NALF1: variants seen among roughly 807,000 people sequenced by gnomAD.
NALF1 encodes the protein NALCN channel auxiliary factor 1.
NALF1 carries 3 observed loss-of-function variants against 48.4 expected under a neutral mutation model. The observed-to-expected ratio is 0.06, with a 90% confidence interval of 0.03 to 0.16. The LOEUF is 0.16. NALF1 is among the 10% of genes least tolerant of loss of function. The pLI is 1.00. For synonymous variants in NALF1, 262 were observed against 245.7 expected (o/e 1.07, Z -0.62); for missense variants, 526 against 571.5 (o/e 0.92, Z 0.81).
At position 107,362,087 on chromosome 13, in the gene NALF1, T is replaced by A. The variant is rs1883071888; in HGVS notation, c.916-151332A>T. Among the ~76,000 whole-genome samples the A allele has an allele frequency of 6.6e-6, 1 of 152,074 alleles. No individual in the cohort carries two copies. Among genetic ancestry groups the A allele is most frequent in the Non-Finnish European group, 1.5e-5 (1 of 68,008 alleles). The stretch of plus-strand genomic sequence containing the variant: ...CCAGCCTGCAGTGCATAGGTAGAGA[T>A]GGGGGAATTCAACTCTTATTTTCTT... On this transcript the variant is annotated intron_variant, in intron 1 of 2. Transcript: ENST00000375915. This position sits in a 1 kb window ranked among gnomAD's most constrained non-coding sequence, Gnocchi z 4.6.
At chr13:107,482,250 G>A (rs1885265242) in intron 1 of NALF1, among the ~76,000 whole-genome samples, 1 of 151,856 alleles carries the variant, frequency 6.6e-6, no homozygotes, top group South Asian at 2.1e-4. Context: ...CTCTTTCCTG[G>A]GTCTCCAGCC....
intron 1 of NALF1, among the ~76,000 whole-genome samples, chr13:107,213,827 A>G (rs1190275406): frequency 6.6e-6 from 1 of 152,244 alleles, no homozygotes; most frequent in Non-Finnish European, 1.5e-5. Context: ...TGTTATGTGA[A>G]GAACGGAGAA....
At chr13:107,819,691 C>CTCTG (rs1177413937) in intron 1 of NALF1, among the ~76,000 whole-genome samples, 17 of 149,096 alleles carry the variant, frequency 1.1e-4, no homozygotes, top group African/African-American at 3.2e-4. Flanking sequence ...AATTCTCTCT[C>CTCTG]TCTCTCTCTC....
chr13:107,685,822 T>G (rs1214559717), intron 1 of NALF1, among the ~76,000 whole-genome samples: 2 of 152,214 alleles, frequency 1.3e-5, no homozygotes, highest in African/African-American at 2.4e-5. Context: ...CCCCTGTGGA[T>G]TCATGTTTTG....
intron 1 of NALF1, among the ~76,000 whole-genome samples, chr13:107,350,633 T>C (rs1882856221): frequency 6.6e-6 from 1 of 152,256 alleles, no homozygotes. Context: ...TTGCCTTACA[T>C]ATGTCTTCAT....
intron 1 of NALF1, among the ~76,000 whole-genome samples, chr13:107,791,026 T>A (rs765958791): frequency 1.3e-5 from 2 of 152,170 alleles, no homozygotes; most frequent in African/African-American, 2.4e-5. Context: ...AAAAATGTTA[T>A]TAGTCTCATA....
intron 1 of NALF1, among the ~76,000 whole-genome samples, chr13:107,497,293 A>G (rs1027033505): frequency 6.6e-6 from 1 of 151,568 alleles, no homozygotes; most frequent in Non-Finnish European, 1.5e-5. Flanking sequence ...CGACACTGAT[A>G]TGAGTTTTAC....
At chr13:107,367,464 T>C (rs1046668876) in intron 1 of NALF1, among the ~76,000 whole-genome samples, 2 of 152,180 alleles carry the variant, frequency 1.3e-5, no homozygotes, top group East Asian at 1.9e-4. Context: ...TGCTTGGATG[T>C]ATGAATCAGT....
At chr13:107,311,915 G>A (rs556653649) in intron 1 of NALF1, among the ~76,000 whole-genome samples, 2 of 152,230 alleles carry the variant, frequency 1.3e-5, no homozygotes, top group Admixed American at 1.3e-4. Context: ...TAAAAAGTCA[G>A]GAAACAACAG....
chr13:107,185,512 C>T (rs1879153824), intron 2 of NALF1, among the ~76,000 whole-genome samples: 1 of 151,608 alleles, frequency 6.6e-6, no homozygotes, highest in Admixed American at 6.6e-5. Flanking sequence ...AGTTCTCTTC[C>T]TCTGAGTTTC....
At chr13:107,827,294 G>A (rs1340599424) in intron 1 of NALF1, among the ~76,000 whole-genome samples, 1 of 152,196 alleles carries the variant, frequency 6.6e-6, no homozygotes, top group Non-Finnish European at 1.5e-5. Flanking sequence ...TAAACTTGCA[G>A]ATTTACTTAG....
At chr13:107,838,935 C>T (rs1205554747) in intron 1 of NALF1, among the ~76,000 whole-genome samples, 1 of 152,124 alleles carries the variant, frequency 6.6e-6, no homozygotes, top group African/African-American at 2.4e-5. Flanking sequence ...ATTAACAGTT[C>T]TTCTTCACAG....
At position 107,473,327 on chromosome 13, in the gene NALF1, GTTTGC is replaced by G. The variant is rs556388477; in HGVS notation, c.916-262577_916-262573del. On this transcript the variant is annotated intron_variant, in intron 1 of 2. Coordinates refer to ENST00000375915, the MANE Select transcript of NALF1 (RefSeq NM_001080396.3). The stretch of plus-strand genomic sequence containing the variant: ...CTGGAATTTGATAACAAATTCACCT[GTTTGC>G]TTTGTTGACTTAGAATACAGGAACG... 3.2e-3 allele frequency among the ~76,000 whole-genome samples: 490 copies of G among 152,278 alleles called. 2 individuals carry two copies. The highest frequency in any genetic ancestry group is 4.7e-3 in the Non-Finnish European group (317 of 68,008).
chr13:107,179,344 G>A (rs1170643402), intron 2 of NALF1, among the ~76,000 whole-genome samples: 2 of 152,100 alleles, frequency 1.3e-5, no homozygotes, highest in Non-Finnish European at 2.9e-5. Context: ...ATAGAAAATA[G>A]AATAATGTTT....
chr13:107,216,171 C>A (rs757834728), intron 1 of NALF1, among the ~76,000 whole-genome samples: 5 of 152,190 alleles, frequency 3.3e-5, no homozygotes, highest in Non-Finnish European at 5.9e-5. Flanking sequence ...CCGCTAGCGG[C>A]CTGAGTTTTG....
intron 2 of NALF1, among the ~76,000 whole-genome samples, chr13:107,210,083 C>CACCT (rs958263095): frequency 6.6e-6 from 1 of 151,804 alleles, no homozygotes; most frequent in African/African-American, 2.4e-5. Context: ...CACACACACA[C>CACCT]ACACGTACAA....
At chr13:107,628,841 C>A (rs1879755436) in intron 1 of NALF1, among the ~76,000 whole-genome samples, 1 of 152,070 alleles carries the variant, frequency 6.6e-6, no homozygotes, top group African/African-American at 2.4e-5. Flanking sequence ...CTGTGACAAA[C>A]ATATTTAACC....
chr13:107,564,540 C>T (rs1877739923), intron 1 of NALF1, among the ~76,000 whole-genome samples: 1 of 152,144 alleles, frequency 6.6e-6, no homozygotes, highest in Non-Finnish European at 1.5e-5. Context: ...ACCTAGAGTC[C>T]AGGCCCCTAG....
chr13:107,446,274 T>C (rs1566345905), intron 1 of NALF1, among the ~76,000 whole-genome samples: 1 of 152,154 alleles, frequency 6.6e-6, no homozygotes, highest in African/African-American at 2.4e-5. Context: ...GTTCCGATAA[T>C]TCTTTTTTCT....
Sources: allele counts gnomAD v4.1 joint callset (sites outside exome capture counted in the v4.1 genomes callset), GRCh38; gene constraint gnomAD v4.1.1; non-coding constraint Gnocchi (gnomAD v3.1); transcripts MANE v1.5; gene names NCBI Gene and HGNC (gene_info 2026-07-23, HGNC 2026-07-21).